GTF2IRD1: variants seen among roughly 807,000 people sequenced by gnomAD.
The protein encoded by GTF2IRD1 is general transcription factor II-I repeat domain-containing protein 1.
In GTF2IRD1, 26 loss-of-function variants were observed where a neutral mutation model predicts 113.2. That is an observed-to-expected ratio of 0.23 (90% CI 0.17 to 0.32). The LOEUF (loss-of-function observed/expected upper bound fraction) is 0.32. GTF2IRD1 is among the 10% of genes least tolerant of loss of function. The probability of loss-of-function intolerance (pLI) is 1.00; values close to 1 mark genes in which losing one functional copy is unlikely to be tolerated. For synonymous variants in GTF2IRD1, 484 were observed against 529.1 expected (o/e 0.91, Z 1.17); for missense variants, 864 against 1,280.8 (o/e 0.67, Z 4.97).
At chr7:74,497,046 C>T (rs1435012535) in intron 1 of GTF2IRD1, among the ~76,000 whole-genome samples, 2 of 152,032 alleles carry the variant, frequency 1.3e-5, no homozygotes, top group Admixed American at 6.6e-5. Flanking sequence ...CCTGTAGTCC[C>T]AGCTGCTTGG....
At chr7:74,523,028 A>G (rs2130330208) in intron 7 of GTF2IRD1, among the ~76,000 whole-genome samples, 1 of 152,296 alleles carries the variant, frequency 6.6e-6, no homozygotes, top group Non-Finnish European at 1.5e-5. Context: ...CCTCAGATGT[A>G]GGAGGTACAA....
chr7:74,469,445 C>G (rs1377479506), intron 1 of GTF2IRD1, among the ~76,000 whole-genome samples: 3 of 152,058 alleles, frequency 2.0e-5, no homozygotes, highest in African/African-American at 7.2e-5. Context: ...CCCTCCTCCC[C>G]CATCCCCTGG....
intron 5 of GTF2IRD1, among the ~76,000 whole-genome samples, chr7:74,518,798 GGCTT>G (rs1797101048): frequency 6.6e-6 from 1 of 152,128 alleles, no homozygotes; most frequent in South Asian, 2.1e-4. Flanking sequence ...TGAGGCAGGA[GGCTT>G]GCTTGAGCCC....
At position 74,560,696 on chromosome 7, in the gene GTF2IRD1, C is replaced by T. The variant is rs1799900459; in HGVS notation, c.2320+1041C>T. ...ACCTCCCAGGTTCAAGCTATTCTGC[C>T]TCAGCCTACCAAGTAGCTGGGATTA... On this transcript the variant is annotated intron_variant, in intron 22 of 26. Coordinates refer to ENST00000424337, the MANE Select transcript of GTF2IRD1 (RefSeq NM_005685.4). Among the ~76,000 whole-genome samples, 3 of 152,000 alleles carry T rather than the reference C, an allele frequency of 2.0e-5. No individual in the cohort carries two copies. In the South Asian group the frequency reaches 6.2e-4, roughly 32 times the overall value.
At chr7:74,479,830 G>A (rs1204518261) in intron 1 of GTF2IRD1, among the ~76,000 whole-genome samples, 1 of 130,062 alleles carries the variant, frequency 7.7e-6, no homozygotes, top group African/African-American at 3.0e-5. Flanking sequence ...TTGGCTCATT[G>A]CAACGTCCCC....
intron 1 of GTF2IRD1, among the ~76,000 whole-genome samples, chr7:74,491,015 CAG>C (rs1205202613): frequency 3.9e-5 from 6 of 152,174 alleles, no homozygotes; most frequent in Non-Finnish European, 7.4e-5. Flanking sequence ...CTTAAAGCAA[CAG>C]AAATTTCAGG....
In GTF2IRD1 at chr7:74,575,770, G is replaced by A. The variant is rs1051028968; in HGVS notation, c.2321-14081G>A. Among the ~76,000 whole-genome samples the A allele has an allele frequency of 1.2e-4, 18 of 152,294 alleles. No individual in the cohort carries two copies. The East Asian group carries it at 1.7e-3, about 15-fold the overall frequency. On this transcript the variant is annotated intron_variant, in intron 22 of 26. Coordinates refer to ENST00000424337, the MANE Select transcript of GTF2IRD1 (RefSeq NM_005685.4). The stretch of plus-strand genomic sequence containing the variant: ...TGGGGCAGGAGGTGGCGGATCAGGC[G>A]TGTTCAATCTGGGGTCTCATCCAGT...
At chr7:74,474,371 G>C (rs973699508) in intron 1 of GTF2IRD1, among the ~76,000 whole-genome samples, 5 of 152,236 alleles carry the variant, frequency 3.3e-5, no homozygotes, top group African/African-American at 4.8e-5. Context: ...CCTCTAGCAG[G>C]GCAGGCAGAA....
intron 10 of GTF2IRD1, among the ~76,000 whole-genome samples, chr7:74,535,682 G>A (rs1798250917): frequency 6.6e-6 from 1 of 152,164 alleles, no homozygotes; most frequent in South Asian, 2.1e-4. Context: ...TGGCACCCCA[G>A]TTCCGGTCCC....
intron 14 of GTF2IRD1, among the ~76,000 whole-genome samples, chr7:74,540,980 T>G (rs1562851842): frequency 6.6e-6 from 1 of 151,426 alleles, no homozygotes; most frequent in Non-Finnish European, 1.5e-5. Flanking sequence ...GTCAGGCAGG[T>G]CTCGAACTCC....
intron 8 of GTF2IRD1, among the ~76,000 whole-genome samples, chr7:74,528,822 GAT>G (rs1797770462): frequency 6.7e-6 from 1 of 150,244 alleles, no homozygotes; most frequent in Admixed American, 6.7e-5. Flanking sequence ...TGGATGGATG[GAT>G]GGATGGATGG....
chr7:74,461,452 T>G (rs1793357374), intron 1 of GTF2IRD1, among the ~76,000 whole-genome samples: 1 of 152,196 alleles, frequency 6.6e-6, no homozygotes, highest in Non-Finnish European at 1.5e-5. Flanking sequence ...TCCGTATCTT[T>G]TCGTCTATCC....
At chr7:74,477,363 CA>C (rs5884947) in intron 1 of GTF2IRD1, among the ~76,000 whole-genome samples, 18 of 133,840 alleles carry the variant, frequency 1.3e-4, no homozygotes, top group African/African-American at 3.1e-4. Flanking sequence ...TTTTTGTGTC[CA>C]AAAAAAAAAG....
At chr7:74,587,183 G>A (rs1199942811) in intron 22 of GTF2IRD1, among the ~76,000 whole-genome samples, 7 of 152,060 alleles carry the variant, frequency 4.6e-5, no homozygotes, top group South Asian at 4.2e-4. Flanking sequence ...AGTGGCTCAC[G>A]CCTGTAATCC....
rs371176176 is a variant in GTF2IRD1 at position 74,555,352 on chromosome 7, C to T, written c.1967-86C>T. 2 of 1,485,494 alleles carry T rather than the reference C, an allele frequency of 1.3e-6. No individual in the cohort carries two copies. The highest frequency in any genetic ancestry group is 1.9e-6 in the Non-Finnish European group (2 of 1,063,626). 92.0% of individuals were successfully genotyped at this position (1,485,494 alleles called of 1,614,324 possible). A position where few individuals can be genotyped will look rare whatever the true frequency, so the allele number is the denominator to read the frequency against. ...TGGCCCTGGCATTCTCCCCACACCC[C>T]CACATTGGGTTTCCCCTAACGATGC... On this transcript the variant is annotated intron_variant, in intron 18 of 26. Transcript: ENST00000424337. This position sits in a 1 kb window ranked among gnomAD's most constrained non-coding sequence, Gnocchi z 5.3.
At chr7:74,455,914 G>A (rs1293084527) in intron 1 of GTF2IRD1, among the ~76,000 whole-genome samples, 2 of 152,204 alleles carry the variant, frequency 1.3e-5, no homozygotes, top group South Asian at 2.1e-4. Context: ...TAAAATGTTC[G>A]AGAACTTAAG....
chr7:74,462,767 G>A (rs1308924361), intron 1 of GTF2IRD1, among the ~76,000 whole-genome samples: 2 of 152,132 alleles, frequency 1.3e-5, no homozygotes, highest in South Asian at 2.1e-4. Flanking sequence ...GCTCATCTCC[G>A]CCCTCAGAGC....
intron 22 of GTF2IRD1, among the ~76,000 whole-genome samples, chr7:74,586,070 C>T (rs1225657151): frequency 1.3e-5 from 2 of 152,104 alleles, no homozygotes; most frequent in African/African-American, 4.8e-5. Flanking sequence ...GCTGCAGTGT[C>T]TAGGAAAGCA....
Position 74,470,435 on chromosome 7 carries a change from C to T in GTF2IRD1, c.-7+16259C>T, listed in dbSNP as rs188637499. ...CAGTCTCTCCATTCCCCAGCACCCC[C>T]CACTCCAGCCCCTGGTAATTGCTAA... On this transcript the variant is annotated intron_variant, in intron 1 of 26. Transcript: ENST00000424337. Among the ~76,000 whole-genome samples, 642 of 152,244 alleles carry T rather than the reference C, an allele frequency of 4.2e-3. 11 individuals are homozygous for T. Among genetic ancestry groups the T allele is most frequent in the Non-Finnish European group, 2.8e-3 (188 of 68,018 alleles).
Sources: gnomAD v4.1 joint callset for allele counts (sites outside exome capture counted in the v4.1 genomes callset) on GRCh38, gnomAD v4.1.1 for gene constraint, Gnocchi (gnomAD v3.1) non-coding constraint, MANE v1.5 for transcripts, NCBI Gene and HGNC (gene_info 2026-07-23, HGNC 2026-07-21) for gene names.